Variants in BLOC1S3 observed in about 807,000 individuals in gnomAD.
BLOC1S3 encodes biogenesis of lysosome-related organelles complex 1 subunit 3.
Under a neutral mutation model 9.1 loss-of-function variants are expected in BLOC1S3, and 7 were observed. The observed-to-expected ratio is 0.77, with a 90% confidence interval of 0.44 to 1.45. The LOEUF (loss-of-function observed/expected upper bound fraction) is 1.45, where lower values mean the gene tolerates loss of function less well. Ranked by LOEUF, BLOC1S3 falls within the 40% of genes most tolerant of loss-of-function variation. BLOC1S3 has a pLI of 0.01. For synonymous variants in BLOC1S3, 145 were observed against 158.4 expected (o/e 0.92, Z 0.64); for missense variants, 307 against 315.2 (o/e 0.97, Z 0.20).
downstream of BLOC1S3, among the ~76,000 whole-genome samples, chr19:45,181,988 C>T (rs1038999318): frequency 3.5e-4 from 53 of 152,244 alleles, no homozygotes; most frequent in African/African-American, 1.2e-3. Flanking sequence ...TCAACACACA[C>T]GTTTTGGGTA....
chr19:45,202,915 T>C (rs1368325277), intron 3 of BLOC1S3, among the ~76,000 whole-genome samples: 2 of 152,140 alleles, frequency 1.3e-5, no homozygotes, highest in Non-Finnish European at 2.9e-5. Context: ...GCTTCCCTTC[T>C]GGTCCAGGGT....
In BLOC1S3 at chr19:45,179,728, T is replaced by TAGGCTGGCGGCAGCCCAGGCGGCG. The variant is rs1599746194; in HGVS notation, c.433_456dup (p.Arg145_Ala152dup). The TAGGCTGGCGGCAGCCCAGGCGGCG allele has an allele frequency of 1.4e-6, 2 of 1,462,278 alleles. No individual in the cohort carries two copies. The highest frequency in any genetic ancestry group is 2.7e-5 in the South Asian group (2 of 74,590). The allele number at this position is 1,462,278 out of a possible 1,614,324, so 90.6% of individuals were successfully genotyped here. On this transcript the variant is annotated inframe_insertion, in exon 2 of 2. Coordinates refer to ENST00000433642, the MANE Select transcript of BLOC1S3 (RefSeq NM_212550.5). The surrounding 1 kb of genome is among the most constrained non-coding windows in gnomAD (Gnocchi z 4.6). ...GCCGCGACGTGGCCGCCCTGGCTAGTAGGCTGGCGGCAGCCCAGGCGGCGG... is the reference window on the plus strand; with the variant it reads ...GCCGCGACGTGGCCGCCCTGGCTAGTAGGCTGGCGGCAGCCCAGGCGGCGAGGCTGGCGGCAGCCCAGGCGGCGG...
chr19:45,213,887 G>C (rs1400056198), intron 3 of BLOC1S3, among the ~76,000 whole-genome samples: 1 of 151,962 alleles, frequency 6.6e-6, no homozygotes, highest in Non-Finnish European at 1.5e-5. Context: ...CTGGGAGGCA[G>C]AGGTTGCAGT....
chr19:45,179,779 C>T lies in BLOC1S3; in HGVS notation c.483C>T (p.Arg161=), dbSNP rs1219427805. 1.9e-6 allele frequency: 3 copies of T among 1,557,748 alleles called. No individual in the cohort carries two copies. In the African/African-American group the frequency reaches 4.2e-5, roughly 22 times the overall value. ...AAGLAAAHSV[R]LARGDLCALA... is the part of the protein sequence containing the mutation. ...GGCTGGCGGCGGCCCACAGCGTGCGCCTGGCGCGCGGGGACCTTTGTGCGC... is the reference window on the plus strand; with the variant it reads ...GGCTGGCGGCGGCCCACAGCGTGCGTCTGGCGCGCGGGGACCTTTGTGCGC... Residue 161 remains arginine (R), a synonymous_variant, in exon 2 of 2, where the codon CGC becomes CGT. Transcript: ENST00000433642. This position sits in a 1 kb window ranked among gnomAD's most constrained non-coding sequence, Gnocchi z 4.6.
At chr19:45,200,182 A>AT (rs4012970) in intron 2 of BLOC1S3, among the ~76,000 whole-genome samples, 50,353 of 134,828 alleles carry the variant, frequency 0.37, 10,475 homozygotes, top group African/African-American at 0.53. Context: ...TTTCTACTTA[A>AT]TTTTTTTTTT....
downstream of BLOC1S3, among the ~76,000 whole-genome samples, chr19:45,183,572 A>G (rs58880456): frequency 0.015 from 2,233 of 148,840 alleles, 63 homozygotes; most frequent in African/African-American, 0.052. Flanking sequence ...GTGGATCACA[A>G]TTCAAAGAGG....
At position 45,205,487 on chromosome 19, in the gene BLOC1S3, C is replaced by T. The variant is rs190927467; in HGVS notation, n.282+2980C>T. 2.8e-3 allele frequency among the ~76,000 whole-genome samples: 421 copies of T among 152,230 alleles called. 1 individual carries two copies. The highest frequency in any genetic ancestry group is 9.6e-3 in the African/African-American group (400 of 41,548). On this transcript the variant is annotated intron_variant and non_coding_transcript_variant, in intron 3 of 3. Transcript: ENST00000591569. ...CCAAAATACACTTTAAATAGAAAGA[C>T]GTTCTGTACAAAAGTTAACTCAAAA...
rs748485162 is a variant in BLOC1S3 at position 45,179,208 on chromosome 19, G to C, written c.-9-80G>C. The C allele has an allele frequency of 1.2e-5, 17 of 1,385,784 alleles. No homozygotes were observed. The highest frequency in any genetic ancestry group is 1.6e-5 in the Non-Finnish European group (17 of 1,068,082). The allele number at this position is 1,385,784 out of a possible 1,614,324, so 85.8% of individuals were successfully genotyped here. A position where few individuals can be genotyped will look rare whatever the true frequency, so the allele number is the denominator to read the frequency against. Reference sequence around the variant, plus strand: ...CAAGTCGTTAAGAGAATCAGCGAAGGGGCTGGGAATCCAGGACCTGCGCCT... The same window carrying C: ...CAAGTCGTTAAGAGAATCAGCGAAGCGGCTGGGAATCCAGGACCTGCGCCT... On this transcript the variant is annotated intron_variant, in intron 1 of 1. Coordinates refer to ENST00000433642, the MANE Select transcript of BLOC1S3 (RefSeq NM_212550.5). This position sits in a 1 kb window ranked among gnomAD's most constrained non-coding sequence, Gnocchi z 4.6.
chr19:45,183,708 C>T (rs1599748803), downstream of BLOC1S3, among the ~76,000 whole-genome samples: 1 of 145,612 alleles, frequency 6.9e-6, no homozygotes, highest in East Asian at 2.2e-4. Flanking sequence ...CTCACTGCAA[C>T]CTCCACCTCC....
chr19:45,207,069 T>C (rs1475356503), intron 3 of BLOC1S3, among the ~76,000 whole-genome samples: 1 of 151,892 alleles, frequency 6.6e-6, no homozygotes, highest in Non-Finnish European at 1.5e-5. Context: ...ACTCCTGACC[T>C]CAAGTGATCC....
At position 45,181,332 on chromosome 19, in the gene BLOC1S3, C is replaced by G. The variant is rs1393835828; in HGVS notation, c.*1427C>G. ...GGATCTTCCTCCCAACTCCCTGGACCAAGGTGGCATTTCCTGCACACCCCT... is the reference window on the plus strand; with the variant it reads ...GGATCTTCCTCCCAACTCCCTGGACGAAGGTGGCATTTCCTGCACACCCCT... On this transcript the variant is annotated 3_prime_UTR_variant, in exon 2 of 2. Transcript: ENST00000433642. The G allele has an allele frequency of 1.2e-5, 2 of 167,174 alleles. No homozygotes were observed. The allele number at this position is 167,174 out of a possible 1,614,324, so 10.4% of individuals were successfully genotyped here.
In BLOC1S3 at chr19:45,206,462, T is replaced by TTTTTTTTTTTTTTTTTTTTTTTTTTTG. The variant is rs970984062; in HGVS notation, n.282+3966_282+3967insTTTTTTTTTTTTTTTGTTTTTTTTTTT. On this transcript the variant is annotated intron_variant and non_coding_transcript_variant, in intron 3 of 3. Transcript: ENST00000591569. ...TTGGATTAATCAAGTTTTTTTTTTT[T>TTTTTTTTTTTTTTTTTTTTTTTTTTTG]TTTTTTTTTTTGAGCAAGGATCTCA... Among the ~76,000 whole-genome samples the TTTTTTTTTTTTTTTTTTTTTTTTTTTG allele has an allele frequency of 1.8e-3, 208 of 115,496 alleles. 2 individuals carry two copies. The highest frequency in any genetic ancestry group is 2.5e-3 in the East Asian group (10 of 3,968). 75.8% of individuals were successfully genotyped at this position (115,496 alleles called of 152,430 possible). A position where few individuals can be genotyped will look rare whatever the true frequency, so the allele number is the denominator to read the frequency against.
chr19:45,199,404 C>T (rs2122923142), intron 2 of BLOC1S3, among the ~76,000 whole-genome samples: 1 of 148,560 alleles, frequency 6.7e-6, no homozygotes, highest in Non-Finnish European at 1.5e-5. Context: ...CAACCTCCGC[C>T]TCCCGGGTTC....
At chr19:45,188,111 C>T (rs909446583) in intron 2 of BLOC1S3, among the ~76,000 whole-genome samples, 1 of 152,130 alleles carries the variant, frequency 6.6e-6, no homozygotes, top group Non-Finnish European at 1.5e-5. Context: ...CAACCTCTGC[C>T]TCCTGGGTTC....
In BLOC1S3 at chr19:45,179,316, G is replaced by GGCGGAGGCCCCT; in HGVS notation, c.30_41dup (p.Leu11_Pro14dup). 1 of 1,583,874 alleles carries GGCGGAGGCCCCT rather than the reference G, an allele frequency of 6.3e-7. No homozygotes were observed. Among genetic ancestry groups the GGCGGAGGCCCCT allele is most frequent in the Non-Finnish European group, 8.5e-7 (1 of 1,173,654 alleles). On this transcript the variant is annotated inframe_insertion, in exon 2 of 2. Transcript: ENST00000433642. The surrounding 1 kb of genome is among the most constrained non-coding windows in gnomAD (Gnocchi z 4.6). ...GGTGCCATGGCGTCCCAGGGTCGTC[G>GGCGGAGGCCCCT]GCGGAGGCCCCTGCGGAGGCCGGAG...
chr19:45,215,051 C>T (rs1423162538), intron 3 of BLOC1S3, among the ~76,000 whole-genome samples: 5 of 151,828 alleles, frequency 3.3e-5, no homozygotes, highest in Admixed American at 6.6e-5. Flanking sequence ...GAGGCTGAGG[C>T]ACAATAATCT....
At chr19:45,197,744 G>C (rs1599753736) in intron 2 of BLOC1S3, among the ~76,000 whole-genome samples, 1 of 141,620 alleles carries the variant, frequency 7.1e-6, no homozygotes, top group Non-Finnish European at 1.5e-5. Flanking sequence ...AGAATTGCTT[G>C]AACCTGGGAG....
At chr19:45,197,824 CAAAAAAAAAAAAA>C (rs55654938) in intron 2 of BLOC1S3, among the ~76,000 whole-genome samples, 4 of 63,588 alleles carry the variant, frequency 6.3e-5, no homozygotes, top group South Asian at 8.0e-4. Flanking sequence ...GACTCCGTCT[CAAAAAAAAAAAAA>C]AAAAAAAAAA....
In BLOC1S3 at chr19:45,179,489, TCGGAGCCGGAGC is replaced by T. The variant is rs552143332; in HGVS notation, c.204_215del (p.Glu70_Pro73del). The T allele has an allele frequency of 1.5e-5, 23 of 1,523,488 alleles. No homozygotes were observed. Among genetic ancestry groups the T allele is most frequent in the African/African-American group, 4.2e-5 (3 of 71,008 alleles). The allele number at this position is 1,523,488 out of a possible 1,614,324, so 94.4% of individuals were successfully genotyped here. A position where few individuals can be genotyped will look rare whatever the true frequency, so the allele number is the denominator to read the frequency against. On this transcript the variant is annotated inframe_deletion, in exon 2 of 2. Coordinates refer to ENST00000433642, the MANE Select transcript of BLOC1S3 (RefSeq NM_212550.5). The surrounding 1 kb of genome is among the most constrained non-coding windows in gnomAD (Gnocchi z 4.6). ...GGCTGGGGAAGCCGCGGAGACCGAC[TCGGAGCCGGAGC>T]CGGAGCCGGAACCGACGGCCGCGCC...
Sources: gnomAD v4.1 joint callset for allele counts (sites outside exome capture counted in the v4.1 genomes callset) on GRCh38, gnomAD v4.1.1 for gene constraint, Gnocchi (gnomAD v3.1) non-coding constraint, MANE v1.5 for transcripts, NCBI Gene and HGNC (gene_info 2026-07-23, HGNC 2026-07-21) for gene names.